DLG2: variants seen among roughly 807,000 people sequenced by gnomAD.
DLG2 encodes the protein disks large homolog 2.
In DLG2, 45 loss-of-function variants were observed where a neutral mutation model predicts 132.5. That is an observed-to-expected ratio of 0.34 (90% CI 0.27 to 0.44). The LOEUF (loss-of-function observed/expected upper bound fraction) is 0.44. Ranked by LOEUF, DLG2 falls within the 20% of genes least tolerant of loss-of-function variation. The pLI is 1.00. For missense variants in DLG2, 1,045 were observed against 1,196.9 expected, an observed-to-expected ratio of 0.87 and a Z score of 1.87; for synonymous variants, 424 against 419.6, an observed-to-expected ratio of 1.01 and a Z score of -0.13.
rs906178794 is a variant in DLG2, at chr11:84,746,568, G to T, written c.358-211837C>A. On this transcript the variant is annotated intron_variant, in intron 6 of 27. Coordinates refer to ENST00000376104, the MANE Select transcript of DLG2 (RefSeq NM_001142699.3). The stretch of plus-strand genomic sequence containing the variant: ...GGCTCAGTTTCTATATCTATAAGAT[G>T]AGGCTAATGAAAAGAATGAGAGAAG... Among the ~76,000 whole-genome samples, 9 of 152,122 alleles carry T rather than the reference G, an allele frequency of 5.9e-5. 1 individual carries two copies. Among genetic ancestry groups the T allele is most frequent in the African/African-American group, 2.2e-4 (9 of 41,430 alleles).
At chr11:83,786,477 T>C (rs984091091) in intron 18 of DLG2, 1 of 514,556 alleles carries the variant, frequency 1.9e-6, no homozygotes, top group South Asian at 2.9e-5. Flanking sequence ...CATATTTTCA[T>C]AGGCCTTTCT....
At chr11:83,723,257 G>C (rs926584993) in intron 18 of DLG2, among the ~76,000 whole-genome samples, 1 of 152,130 alleles carries the variant, frequency 6.6e-6, no homozygotes, top group African/African-American at 2.4e-5. Flanking sequence ...GCGGGCACCT[G>C]TAATCCCAGC....
intron 19 of DLG2, among the ~76,000 whole-genome samples, chr11:83,625,523 C>G (rs921341761): frequency 1.3e-5 from 2 of 152,144 alleles, no homozygotes; most frequent in Non-Finnish European, 1.5e-5. Flanking sequence ...GGTGGGACCA[C>G]CCTTCCCCCA....
At chr11:83,972,859 T>A (rs1342188670) in intron 12 of DLG2, among the ~76,000 whole-genome samples, 1 of 152,152 alleles carries the variant, frequency 6.6e-6, no homozygotes, top group African/African-American at 2.4e-5. Context: ...TGGTACAGAA[T>A]CTTAGCACCA....
intron 7 of DLG2, among the ~76,000 whole-genome samples, chr11:84,433,632 C>T (rs1389029930): frequency 1.3e-5 from 2 of 152,166 alleles, no homozygotes; most frequent in African/African-American, 4.8e-5. Context: ...TCTTATGTAG[C>T]TTATTTAGAA....
At chr11:83,497,987 T>C (rs1337482484) in intron 21 of DLG2, among the ~76,000 whole-genome samples, 2 of 152,002 alleles carry the variant, frequency 1.3e-5, no homozygotes, top group Non-Finnish European at 2.9e-5. Context: ...TCAAAGGGAA[T>C]TGAGGAAAAA....
In DLG2 at chr11:85,133,123, C is replaced by A. The variant is rs1482084563; in HGVS notation, c.283-21388G>T. On this transcript the variant is annotated intron_variant, in intron 5 of 27. Coordinates refer to ENST00000376104, the MANE Select transcript of DLG2 (RefSeq NM_001142699.3). ...CTGTGAGTGCCCCGCACAGTTCTAT[C>A]GTTGCGATGAGTGTAACACCAAGCA... 2.3e-5 allele frequency: 6 copies of A among 266,634 alleles called. No homozygotes were observed. The Admixed American group carries it at 2.5e-4, about 11-fold the overall frequency. The allele number at this position is 266,634 out of a possible 1,614,324, so 16.5% of individuals were successfully genotyped here. A position where few individuals can be genotyped will look rare whatever the true frequency, so the allele number is the denominator to read the frequency against.
chr11:83,537,066 A>C (rs1267235065), intron 20 of DLG2, among the ~76,000 whole-genome samples: 1 of 152,204 alleles, frequency 6.6e-6, no homozygotes, highest in Non-Finnish European at 1.5e-5. Flanking sequence ...CTTAGACTCA[A>C]GCAATTAATT....
intron 3 of DLG2, among the ~76,000 whole-genome samples, chr11:85,406,381 G>A (rs997002371): frequency 6.6e-6 from 1 of 151,878 alleles, no homozygotes; most frequent in Admixed American, 6.6e-5. Flanking sequence ...TTGTAGGGAA[G>A]TGGAGGAAAT....
chr11:85,039,640 T>C (rs1421666174), intron 6 of DLG2, among the ~76,000 whole-genome samples: 2 of 151,906 alleles, frequency 1.3e-5, no homozygotes, highest in Non-Finnish European at 2.9e-5. Context: ...TTAACCATGA[T>C]GTTGGGGACA....
At chr11:84,372,379 G>A (rs2098710040) in intron 7 of DLG2, among the ~76,000 whole-genome samples, 1 of 152,052 alleles carries the variant, frequency 6.6e-6, no homozygotes, top group South Asian at 2.1e-4. Flanking sequence ...AGGCCCATTT[G>A]CTTATAAAAA....
At chr11:84,395,174 A>AT (rs905881922) in intron 7 of DLG2, among the ~76,000 whole-genome samples, 48 of 147,510 alleles carry the variant, frequency 3.3e-4, no homozygotes, top group South Asian at 1.3e-3. Context: ...AGTTCTCTTT[A>AT]TTTTTTTTTC....
At chr11:84,302,071 C>T (rs2098161902) in intron 7 of DLG2, among the ~76,000 whole-genome samples, 1 of 152,078 alleles carries the variant, frequency 6.6e-6, no homozygotes, top group Non-Finnish European at 1.5e-5. Context: ...AGCTGGAAAC[C>T]ATCACTCTCA....
chr11:84,142,974 G>C (rs1228151988), intron 9 of DLG2, among the ~76,000 whole-genome samples: 1 of 151,976 alleles, frequency 6.6e-6, no homozygotes, highest in African/African-American at 2.4e-5. Flanking sequence ...TTTCTCTGGA[G>C]ACTCTAATAC....
At position 83,599,261 on chromosome 11, in the gene DLG2, C is replaced by G. The variant is rs1011196120; in HGVS notation, c.1940+33950G>C. Reference sequence around the variant, plus strand: ...TCTGTGAGCTCACCTTATCACCTCTCGGACTTCCCCTTCCCTCATGCCTAA... The same window carrying G: ...TCTGTGAGCTCACCTTATCACCTCTGGGACTTCCCCTTCCCTCATGCCTAA... On this transcript the variant is annotated intron_variant, in intron 19 of 27. Transcript: ENST00000376104. 2.6e-5 allele frequency among the ~76,000 whole-genome samples: 4 copies of G among 152,138 alleles called. No individual in the cohort carries two copies. The East Asian group carries it at 7.7e-4, about 29-fold the overall frequency.
chr11:85,250,556 CAAG>C (rs2076349456), intron 4 of DLG2, among the ~76,000 whole-genome samples: 1 of 152,182 alleles, frequency 6.6e-6, no homozygotes, highest in Admixed American at 6.5e-5. Flanking sequence ...GTTTTTCTTG[CAAG>C]AAGATTATTA....
At chr11:85,156,125 C>T (rs1273147620) in intron 4 of DLG2, among the ~76,000 whole-genome samples, 1 of 152,156 alleles carries the variant, frequency 6.6e-6, no homozygotes, top group Admixed American at 6.5e-5. Flanking sequence ...TTTGCAACCA[C>T]TGTGGGCAGA....
At chr11:85,303,753 T>C (rs1387584399) in intron 3 of DLG2, among the ~76,000 whole-genome samples, 2 of 152,230 alleles carry the variant, frequency 1.3e-5, no homozygotes, top group Admixed American at 6.5e-5. Context: ...TCTGGCCTTA[T>C]AAACTTCACA....
intron 7 of DLG2, among the ~76,000 whole-genome samples, chr11:84,411,706 G>C (rs1482728845): frequency 6.6e-6 from 1 of 152,124 alleles, no homozygotes; most frequent in Non-Finnish European, 1.5e-5. Flanking sequence ...ATCATGTCCA[G>C]TAGTCCTAAA....
Sources: allele counts gnomAD v4.1 joint callset (sites outside exome capture counted in the v4.1 genomes callset), GRCh38; gene constraint gnomAD v4.1.1; transcripts MANE v1.5; gene names NCBI Gene and HGNC (gene_info 2026-07-23, HGNC 2026-07-21).